Variants in GATA6 observed in about 807,000 individuals in gnomAD.
GATA6 encodes the protein transcription factor GATA-6.
In GATA6, 11 loss-of-function variants were observed where a neutral mutation model predicts 48.1. The observed-to-expected ratio is 0.23, with a 90% CI of 0.14 to 0.38. The LOEUF is 0.38. GATA6 is among the 10% of genes least tolerant of loss of function. The pLI, the probability that GATA6 is intolerant of heterozygous loss-of-function variation, is 1.00. For missense variants in GATA6, 795 were observed against 850.3 expected (o/e 0.93, Z 0.81); for synonymous variants, 419 against 396.1 (o/e 1.06, Z -0.69).
At chr18:22,178,366 G>C (rs941876922) in intron 3 of GATA6, among the ~76,000 whole-genome samples, 15 of 152,188 alleles carry the variant, frequency 9.9e-5, no homozygotes. Context: ...CGCTGTAATA[G>C]AGAAAATAAA....
intron 5 of GATA6, 41 bp downstream of exon 5, chr18:22,182,885 C>G (rs202044652): frequency 1.9e-6 from 3 of 1,593,232 alleles, no homozygotes; most frequent in African/African-American, 1.3e-5. Context: ...AAGTATTTGC[C>G]AACCTTAACA....
chr18:22,196,451 C>T (rs1435955121), intron 6 of GATA6, among the ~76,000 whole-genome samples: 1 of 152,132 alleles, frequency 6.6e-6, no homozygotes, highest in Non-Finnish European at 1.5e-5. Context: ...GAAAAAGAGT[C>T]AGTGAGTCAC....
intron 6 of GATA6, among the ~76,000 whole-genome samples, chr18:22,200,176 A>AGTGTGTGTGTGT (rs59255780): frequency 8.2e-4 from 123 of 150,472 alleles, no homozygotes; most frequent in African/African-American, 2.9e-3. Flanking sequence ...GCCTTGTTAG[A>AGTGTGTGTGTGT]GTGTGTGTGT....
At chr18:22,178,400 C>T in intron 3 of GATA6, among the ~76,000 whole-genome samples, 1 of 152,218 alleles carries the variant, frequency 6.6e-6, no homozygotes, top group Non-Finnish European at 1.5e-5. Flanking sequence ...CAGTCCCACT[C>T]TAAGGTTAAC....
intron 6 of GATA6, among the ~76,000 whole-genome samples, chr18:22,192,551 T>C (rs2033340376): frequency 6.6e-6 from 1 of 152,204 alleles, no homozygotes; most frequent in Non-Finnish European, 1.5e-5. Context: ...CTTTTTGTGG[T>C]TTAAGTGCAT....
At chr18:22,179,203 A>G (rs974695142) in intron 3 of GATA6, among the ~76,000 whole-genome samples, 4 of 152,238 alleles carry the variant, frequency 2.6e-5, no homozygotes, top group African/African-American at 4.8e-5. Flanking sequence ...GTGTGTCACT[A>G]TCAATTAGGT....
rs1270889195 is a variant in GATA6 at position 22,172,165 on chromosome 18, G to T, written c.1021G>T (p.Val341Leu). The T allele has an allele frequency of 1.3e-6, 2 of 1,501,542 alleles. No homozygotes were observed. Among genetic ancestry groups the T allele is most frequent in the Non-Finnish European group, 1.8e-6 (2 of 1,126,744 alleles). The allele number at this position is 1,501,542 out of a possible 1,614,324, so 93.0% of individuals were successfully genotyped here. ...CCATCCGAGCCCCTACTCGCCCTAC[G>T]TGGGGGCGCCACTGACGCCTGCCTG... ...HHHPSPYSPY[V>L]GAPLTPAWPA... is the part of the protein sequence containing the mutation. The change falls in exon 2 of 7, where the codon GTG becomes TTG. Residue 341 changes from valine to leucine, a missense_variant. Val to Leu is a conservative substitution (Grantham distance 32). Coordinates refer to ENST00000269216, the MANE Select transcript of GATA6 (RefSeq NM_005257.6). The surrounding 1 kb of genome is among the most constrained non-coding windows in gnomAD (Gnocchi z 5.2).
At chr18:22,182,919 G>A (rs374604452) in intron 5 of GATA6, 21 bp from the exon 6 acceptor site, 2 of 1,606,608 alleles carry the variant, frequency 1.2e-6, no homozygotes, top group Non-Finnish European at 1.7e-6. Context: ...ATATTTATAA[G>A]GTTTATTTTG....
Position 22,172,327 on chromosome 18 carries a change from C to G in GATA6, c.1135+48C>G. On this transcript the variant is annotated intron_variant, in intron 2 of 6. Transcript: ENST00000269216. This position sits in a 1 kb window ranked among gnomAD's most constrained non-coding sequence, Gnocchi z 5.2. The stretch of plus-strand genomic sequence containing the variant: ...GGGGTGCGGGTCCAAAGCGCTGGGG[C>G]GCACGGGGGACGTGGAGCAGCTGCT... 6.6e-7 allele frequency: 1 copy of G among 1,514,222 alleles called. No homozygotes were observed. The highest frequency in any genetic ancestry group is 8.8e-7 in the Non-Finnish European group (1 of 1,132,930). 93.8% of individuals were successfully genotyped at this position (1,514,222 alleles called of 1,614,324 possible). A position where few individuals can be genotyped will look rare whatever the true frequency, so the allele number is the denominator to read the frequency against.
intron 2 of GATA6, chr18:22,176,648 G>T (rs2033124765): frequency 3.1e-6 from 1 of 325,556 alleles, no homozygotes; most frequent in Admixed American, 5.2e-5. Flanking sequence ...AGGGGTCAGG[G>T]GACTCAAGCC....
At chr18:22,176,234 G>A (rs1243962970) in intron 2 of GATA6, among the ~76,000 whole-genome samples, 1 of 152,186 alleles carries the variant, frequency 6.6e-6, no homozygotes, top group African/African-American at 2.4e-5. Context: ...GATAGAAGCA[G>A]TTGGACCCAC....
Position 22,170,256 on chromosome 18 carries a change from G to C in GATA6, c.-38+574G>C, listed in dbSNP as rs1465314110. ...ACCCCGCTACGTCCGATTCCGGAACGGTCCGGCGTTTCTGCTGCTGGAGAT... is the reference window on the plus strand; with the variant it reads ...ACCCCGCTACGTCCGATTCCGGAACCGTCCGGCGTTTCTGCTGCTGGAGAT... On this transcript the variant is annotated intron_variant, in intron 1 of 6. Transcript: ENST00000269216. This position sits in a 1 kb window ranked among gnomAD's most constrained non-coding sequence, Gnocchi z 6.7. Among the ~76,000 whole-genome samples, 2 of 152,172 alleles carry C rather than the reference G, an allele frequency of 1.3e-5. No individual in the cohort carries two copies. Among genetic ancestry groups the C allele is most frequent in the Non-Finnish European group, 2.9e-5 (2 of 68,020 alleles).
intron 3 of GATA6, among the ~76,000 whole-genome samples, chr18:22,178,324 A>C (rs956542319): frequency 1.3e-5 from 2 of 152,136 alleles, no homozygotes; most frequent in African/African-American, 4.8e-5. Flanking sequence ...TGTCATTGTT[A>C]TGTGTGCTTC....
At chr18:22,200,220 C>T (rs1056188900) in intron 6 of GATA6, among the ~76,000 whole-genome samples, 1 of 152,154 alleles carries the variant, frequency 6.6e-6, no homozygotes, top group Admixed American at 6.5e-5. Flanking sequence ...CGCATGCGTG[C>T]GCTCTGCATT....
At position 22,172,026 on chromosome 18, in the gene GATA6, C is replaced by G. The variant is rs1207884364; in HGVS notation, c.882C>G (p.Ser294Arg). The change falls in exon 2 of 7, where the codon AGC becomes AGG. Residue 294 changes from serine to arginine, a missense_variant. By Grantham distance (110) the Ser-to-Arg change is moderately radical. Coordinates refer to ENST00000269216, the MANE Select transcript of GATA6 (RefSeq NM_005257.6). The surrounding 1 kb of genome is among the most constrained non-coding windows in gnomAD (Gnocchi z 5.2). ...AAGSGGAGGV[S>R]GGGSSLAAMG... ...GCAGTGGGGGCGCGGGAGGCGTGAGCGGCGGCGGCAGTAGCCTGGCGGCCA... is the reference window on the plus strand; with the variant it reads ...GCAGTGGGGGCGCGGGAGGCGTGAGGGGCGGCGGCAGTAGCCTGGCGGCCA... 1 of 1,248,716 alleles carries G rather than the reference C, an allele frequency of 8.0e-7. No individual in the cohort carries two copies. Among genetic ancestry groups the G allele is most frequent in the African/African-American group, 1.6e-5 (1 of 64,400 alleles). The allele number at this position is 1,248,716 out of a possible 1,614,324, so 77.4% of individuals were successfully genotyped here. A position where few individuals can be genotyped will look rare whatever the true frequency, so the allele number is the denominator to read the frequency against.
At chr18:22,183,619 C>T (rs756869488) in intron 6 of GATA6, among the ~76,000 whole-genome samples, 2 of 152,158 alleles carry the variant, frequency 1.3e-5, no homozygotes, top group East Asian at 1.9e-4. Context: ...ATTGTACTGG[C>T]GTTTATTTCA....
At chr18:22,183,928 G>A (rs1387063533) in intron 6 of GATA6, among the ~76,000 whole-genome samples, 1 of 152,164 alleles carries the variant, frequency 6.6e-6, no homozygotes, top group Non-Finnish European at 1.5e-5. Flanking sequence ...CTAAACACCA[G>A]CATTTAAATG....
Position 22,177,093 on chromosome 18 carries a change from G to A in GATA6, c.1274G>A (p.Arg425Gln). 1 of 1,556,116 alleles carries A rather than the reference G, an allele frequency of 6.4e-7. No individual in the cohort carries two copies. The highest frequency in any genetic ancestry group is 2.4e-5 in the East Asian group (1 of 41,298). The change falls in exon 3 of 7, where the codon CGG (arginine) becomes CAG (glutamine). Residue 425 changes from arginine to glutamine, a missense_variant. Physicochemically the swap from Arg to Gln is conservative, Grantham distance 43. Transcript: ENST00000269216. Reference sequence around the variant, plus strand: ...TACAGCAAGATGAACGGCCTCAGCCGGCCCCTCATCAAGCCGCAGAAGCGC... The same window carrying A: ...TACAGCAAGATGAACGGCCTCAGCCAGCCCCTCATCAAGCCGCAGAAGCGC... ...GLYSKMNGLS[R>Q]PLIKPQKRVP...
intron 6 of GATA6, among the ~76,000 whole-genome samples, chr18:22,197,909 G>A (rs1197752663): frequency 6.6e-6 from 1 of 151,944 alleles, no homozygotes; most frequent in Non-Finnish European, 1.5e-5. Context: ...CTCATTTGTT[G>A]TTCATGATAA....
Sources: gnomAD v4.1 joint callset for allele counts (sites outside exome capture counted in the v4.1 genomes callset) on GRCh38, gnomAD v4.1.1 for gene constraint, Gnocchi (gnomAD v3.1) non-coding constraint, MANE v1.5 for transcripts, NCBI Gene and HGNC (gene_info 2026-07-23, HGNC 2026-07-21) for gene names.